HECTD2: variants seen among roughly 807,000 people sequenced by gnomAD.
HECTD2 encodes probable E3 ubiquitin-protein ligase HECTD2.
HECTD2 carries 35 observed loss-of-function variants against 103.2 expected under a neutral mutation model. The observed-to-expected ratio is 0.34, with a 90% confidence interval of 0.26 to 0.45. The LOEUF (loss-of-function observed/expected upper bound fraction) is 0.45, where lower values mean the gene tolerates loss of function less well. Ranked by LOEUF, HECTD2 falls within the 20% of genes least tolerant of loss-of-function variation. HECTD2 has a pLI of 1.00. For missense variants in HECTD2, 596 were observed against 937.4 expected (o/e 0.64, Z 4.76); for synonymous variants, 281 against 329.9 (o/e 0.85, Z 1.61).
intron 15 of HECTD2, among the ~76,000 whole-genome samples, chr10:91,497,555 C>T (rs1846733096): frequency 7.0e-6 from 1 of 142,208 alleles, no homozygotes; most frequent in African/African-American, 2.6e-5. Flanking sequence ...GTGATCTGCC[C>T]ACCTCGGCCT....
Position 91,487,848 on chromosome 10 carries a change from AAATGT to A in HECTD2, c.1191+71_1191+75del. 1.1e-6 allele frequency: 1 copy of A among 920,740 alleles called. No homozygotes were observed. Among genetic ancestry groups the A allele is most frequent in the Non-Finnish European group, 1.6e-6 (1 of 617,548 alleles). The allele number at this position is 920,740 out of a possible 1,614,324, so 57.0% of individuals were successfully genotyped here. On this transcript the variant is annotated intron_variant, in intron 11 of 20. Transcript: ENST00000298068. This position sits in a 1 kb window ranked among gnomAD's most constrained non-coding sequence, Gnocchi z 4.1. The stretch of plus-strand genomic sequence containing the variant: ...TAGTAAATAATTTAATAAATAATTT[AAATGT>A]CTTGTGAATTGTTCTAGCATAATCA...
At chr10:91,481,192 C>A in intron 7 of HECTD2, 53 bp downstream of exon 7, 1 of 834,362 alleles carries the variant, frequency 1.2e-6, no homozygotes, top group Non-Finnish European at 1.9e-6. Flanking sequence ...TCAATCCCTA[C>A]ATGTGTATGT....
intron 2 of HECTD2, among the ~76,000 whole-genome samples, chr10:91,428,225 C>T (rs1365624751): frequency 6.6e-6 from 1 of 151,740 alleles, no homozygotes; most frequent in Non-Finnish European, 1.5e-5. Context: ...TGTTCCGTTC[C>T]ATTGATCTAT....
Position 91,410,786 on chromosome 10 carries a change from C to T in HECTD2, c.138+210C>T, listed in dbSNP as rs1010968483. Among the ~76,000 whole-genome samples the T allele has an allele frequency of 3.9e-5, 6 of 152,276 alleles. No homozygotes were observed. The East Asian group carries it at 1.2e-3, about 30-fold the overall frequency. On this transcript the variant is annotated intron_variant, in intron 1 of 20. Transcript: ENST00000298068. ...ACACTTCGCGAGGTACACCTACCAC[C>T]CTCGGGAAATGTTGGGGGTGGTCGG...
At chr10:91,465,964 A>G (rs12266112) in intron 5 of HECTD2, among the ~76,000 whole-genome samples, 14,601 of 152,120 alleles carry the variant, frequency 0.096, 1,500 homozygotes, top group African/African-American at 0.26. Flanking sequence ...CTTAGAAAGT[A>G]TTCTCTCTGC....
At chr10:91,430,156 T>C (rs1347067744) in intron 2 of HECTD2, among the ~76,000 whole-genome samples, 10 of 152,042 alleles carry the variant, frequency 6.6e-5, no homozygotes, top group Middle Eastern at 3.4e-3. Context: ...CATTCAGGAG[T>C]AGGTTGTTCA....
At chr10:91,454,192 A>G (rs1287118103) in intron 2 of HECTD2, among the ~76,000 whole-genome samples, 1 of 152,158 alleles carries the variant, frequency 6.6e-6, no homozygotes, top group Non-Finnish European at 1.5e-5. Flanking sequence ...CAGCACATTT[A>G]CAGCACGCTC....
In HECTD2 at chr10:91,410,371, C is replaced by T. The variant is rs961875269; in HGVS notation, c.-68C>T. ...AGCCCTCTCGCGGCCGCGGCGGCAG[C>T]AGCAGCGCCAGCCCCAGCAACACTG... On this transcript the variant is annotated 5_prime_UTR_variant, in exon 1 of 21. Transcript: ENST00000298068. 4.8e-5 allele frequency: 51 copies of T among 1,066,438 alleles called. No individual in the cohort carries two copies. In the African/African-American group the frequency reaches 7.4e-4, roughly 15 times the overall value. The allele number at this position is 1,066,438 out of a possible 1,614,324, so 66.1% of individuals were successfully genotyped here. A position where few individuals can be genotyped will look rare whatever the true frequency, so the allele number is the denominator to read the frequency against.
intron 2 of HECTD2, among the ~76,000 whole-genome samples, chr10:91,458,388 G>A (rs1399825720): frequency 2.6e-5 from 4 of 151,912 alleles, no homozygotes; most frequent in African/African-American, 9.7e-5. Context: ...TGCATTTCCT[G>A]TCAAAATTCC....
At chr10:91,445,383 G>T (rs1395962334) in intron 2 of HECTD2, among the ~76,000 whole-genome samples, 1 of 152,056 alleles carries the variant, frequency 6.6e-6, no homozygotes, top group African/African-American at 2.4e-5. Context: ...TTTGCTGCTG[G>T]TTACACGCTC....
At chr10:91,490,857 G>T (rs1374157287) in intron 11 of HECTD2, among the ~76,000 whole-genome samples, 1 of 121,482 alleles carries the variant, frequency 8.2e-6, no homozygotes, top group African/African-American at 3.2e-5. Flanking sequence ...CGCCACTGCA[G>T]TCCAGCTTGG....
At chr10:91,422,940 G>T (rs1020225989) in intron 1 of HECTD2, among the ~76,000 whole-genome samples, 1 of 152,134 alleles carries the variant, frequency 6.6e-6, no homozygotes, top group Non-Finnish European at 1.5e-5. Flanking sequence ...GGGAAGAAAA[G>T]AAAATGTTAG....
At chr10:91,449,636 A>G (rs917437204) in intron 2 of HECTD2, among the ~76,000 whole-genome samples, 3 of 152,208 alleles carry the variant, frequency 2.0e-5, no homozygotes, top group African/African-American at 7.2e-5. Context: ...TATATTTAGA[A>G]AAGTCCATCC....
At chr10:91,409,763 G>A (rs1017715722), upstream of HECTD2, among the ~76,000 whole-genome samples, 6 of 152,114 alleles carry the variant, frequency 3.9e-5, no homozygotes. Context: ...GCCTCTCCTG[G>A]GCTCAGGAGG....
At chr10:91,427,146 C>T (rs1843602175) in intron 2 of HECTD2, among the ~76,000 whole-genome samples, 1 of 151,054 alleles carries the variant, frequency 6.6e-6, no homozygotes, top group African/African-American at 2.4e-5. Flanking sequence ...TGATGATTTC[C>T]AATTTCATCC....
chr10:91,441,679 A>G (rs1268062059), intron 2 of HECTD2, among the ~76,000 whole-genome samples: 1 of 33,196 alleles, frequency 3.0e-5, no homozygotes, highest in East Asian at 9.3e-4. Context: ...GTCTCCCACT[A>G]TCATTGTGTG....
Position 91,478,148 on chromosome 10 carries a change from AC to A in HECTD2, c.601-52del, listed in dbSNP as rs889354306. ...ATCTGTAAATATAATTAACATATAA[AC>A]GTCACCTAATTTGGTAATCCTAATT... is the stretch of plus-strand genomic sequence containing the variant. On this transcript the variant is annotated intron_variant, in intron 5 of 20. Transcript: ENST00000298068. 4 of 1,139,394 alleles carry A rather than the reference AC, an allele frequency of 3.5e-6. No homozygotes were observed. The African/African-American group carries it at 4.6e-5, about 13-fold the overall frequency. 70.6% of individuals were successfully genotyped at this position (1,139,394 alleles called of 1,614,324 possible). A position where few individuals can be genotyped will look rare whatever the true frequency, so the allele number is the denominator to read the frequency against.
At chr10:91,506,616 A>T in intron 20 of HECTD2, among the ~76,000 whole-genome samples, 1 of 152,052 alleles carries the variant, frequency 6.6e-6, no homozygotes, top group Non-Finnish European at 1.5e-5. Context: ...AGGATCTGAA[A>T]TTGTGGCAAT....
At chr10:91,511,426 T>C (rs949190262) in intron 20 of HECTD2, among the ~76,000 whole-genome samples, 1 of 152,218 alleles carries the variant, frequency 6.6e-6, no homozygotes, top group Non-Finnish European at 1.5e-5. Flanking sequence ...TCATTCATTA[T>C]ATTATCTACT....
Sources: allele counts gnomAD v4.1 joint callset (sites outside exome capture counted in the v4.1 genomes callset), GRCh38; gene constraint gnomAD v4.1.1; non-coding constraint Gnocchi (gnomAD v3.1); transcripts MANE v1.5; gene names NCBI Gene and HGNC (gene_info 2026-07-23, HGNC 2026-07-21).